MINDY2: variants seen among roughly 807,000 people sequenced by gnomAD.
MINDY2 encodes the protein MINDY lysine 48 deubiquitinase 2, also known as ubiquitin carboxyl-terminal hydrolase MINDY-2.
MINDY2 carries 52 observed loss-of-function variants against 68.2 expected under a neutral mutation model. The observed-to-expected ratio is 0.76, with a 90% confidence interval of 0.61 to 0.96. The LOEUF is 0.96. Among genes scored for constraint, MINDY2 ranks in the 40% least tolerant of loss-of-function variants. MINDY2 has a pLI of 0.00. For missense variants in MINDY2, 881 were observed against 773.4 expected (o/e 1.14, Z -1.65); for synonymous variants, 372 against 303.0 (o/e 1.23, Z -2.36).
At chr15:58,828,584 T>C (rs911983256) in intron 5 of MINDY2, among the ~76,000 whole-genome samples, 1 of 147,748 alleles carries the variant, frequency 6.8e-6, no homozygotes, top group Non-Finnish European at 1.5e-5. Flanking sequence ...TCTTTTTTTT[T>C]TTTTTTTTTT....
At chr15:58,854,050 C>T (rs1414616823) in intron 8 of MINDY2, among the ~76,000 whole-genome samples, 1 of 151,894 alleles carries the variant, frequency 6.6e-6, no homozygotes. Flanking sequence ...TGAGACCAGC[C>T]TGGCCAACAT....
chr15:58,809,159 C>A (rs2030039790), intron 3 of MINDY2, among the ~76,000 whole-genome samples: 1 of 152,132 alleles, frequency 6.6e-6, no homozygotes, highest in African/African-American at 2.4e-5. Flanking sequence ...CTGTGGTGAG[C>A]CATGATCATA....
intron 2 of MINDY2, among the ~76,000 whole-genome samples, chr15:58,795,811 C>G (rs1902246942): frequency 6.6e-6 from 1 of 151,718 alleles, no homozygotes; most frequent in African/African-American, 2.4e-5. Context: ...GCACCAAGAA[C>G]CAGTTTTTGC....
At chr15:58,822,079 G>T (rs910519442) in intron 5 of MINDY2, among the ~76,000 whole-genome samples, 15 of 152,026 alleles carry the variant, frequency 9.9e-5, no homozygotes, top group African/African-American at 3.4e-4. Context: ...ATGAAACCAC[G>T]TGTCTACTAA....
chr15:58,824,761 A>T (rs1321077473), intron 5 of MINDY2, among the ~76,000 whole-genome samples: 1 of 143,412 alleles, frequency 7.0e-6, no homozygotes, highest in South Asian at 2.2e-4. Context: ...CCTCTGCCCC[A>T]TGGATTCAAG....
chr15:58,839,251 C>T (rs1463608061), intron 6 of MINDY2, among the ~76,000 whole-genome samples: 3 of 152,036 alleles, frequency 2.0e-5, no homozygotes, highest in African/African-American at 7.2e-5. Context: ...TTGTTTACAT[C>T]TCTATTCTAA....
intron 6 of MINDY2, among the ~76,000 whole-genome samples, chr15:58,832,826 A>G (rs1595763254): frequency 6.6e-6 from 1 of 152,226 alleles, no homozygotes. Context: ...GTGTGCGGCC[A>G]GAACTAGGAT....
intron 5 of MINDY2, among the ~76,000 whole-genome samples, chr15:58,829,909 C>A (rs2031620568): frequency 6.6e-6 from 1 of 152,194 alleles, no homozygotes; most frequent in South Asian, 2.1e-4. Flanking sequence ...TTATCTGCTT[C>A]TGGCACTACC....
chr15:58,822,472 T>C (rs546898654), intron 5 of MINDY2, among the ~76,000 whole-genome samples: 1 of 152,296 alleles, frequency 6.6e-6, no homozygotes, highest in Admixed American at 6.5e-5. Flanking sequence ...GACTTTATCA[T>C]TGATCCTGAA....
chr15:58,793,569 GT>G (rs1402045543), intron 2 of MINDY2, among the ~76,000 whole-genome samples: 1 of 152,158 alleles, frequency 6.6e-6, no homozygotes, highest in African/African-American at 2.4e-5. Flanking sequence ...TGAGTAGCTT[GT>G]ATCGTATGTG....
At chr15:58,807,460 A>G (rs1249489391) in intron 3 of MINDY2, among the ~76,000 whole-genome samples, 1 of 143,776 alleles carries the variant, frequency 7.0e-6, no homozygotes, top group Non-Finnish European at 1.5e-5. Context: ...GGTTTACGCC[A>G]TTCTGCTGCC....
At chr15:58,827,164 TGATAA>T (rs1425749472) in intron 5 of MINDY2, among the ~76,000 whole-genome samples, 8 of 152,216 alleles carry the variant, frequency 5.3e-5, no homozygotes, top group Admixed American at 1.3e-4. Context: ...TGTTCAAATA[TGATAA>T]GATAATATCT....
At chr15:58,843,408 C>T (rs1189988328) in intron 6 of MINDY2, among the ~76,000 whole-genome samples, 1 of 152,128 alleles carries the variant, frequency 6.6e-6, no homozygotes, top group Non-Finnish European at 1.5e-5. Context: ...ACCTCAGCCT[C>T]CCAAAGTGCT....
At chr15:58,828,004 G>T (rs1399785522) in intron 5 of MINDY2, among the ~76,000 whole-genome samples, 1 of 151,912 alleles carries the variant, frequency 6.6e-6, no homozygotes, top group Admixed American at 6.6e-5. Flanking sequence ...AGGCCGAGGT[G>T]GGTGGATCAC....
Position 58,772,099 on chromosome 15 carries a change from A to T in MINDY2, c.704A>T (p.Glu235Val). Residue 235 changes from glutamate to valine, a missense_variant, in exon 1 of 9, where the codon GAA becomes GTA. Physicochemically the swap from Glu to Val is moderately radical, Grantham distance 121. Coordinates refer to ENST00000559228, the MANE Select transcript of MINDY2 (RefSeq NM_001040450.3). ...ETAQVLAASK[E>V]RFPGQSVYHI... is the part of the protein sequence containing the mutation. The stretch of plus-strand genomic sequence containing the variant: ...GCTCAGGTGCTGGCGGCCTCCAAGG[A>T]ACGCTTCCCGGGACAATCTGTGTAT... The T allele has an allele frequency of 6.2e-7, 1 of 1,613,858 alleles. No individual in the cohort carries two copies. The highest frequency in any genetic ancestry group is 8.5e-7 in the Non-Finnish European group (1 of 1,179,840).
chr15:58,807,353 C>CTTTTTTTTT, intron 3 of MINDY2, among the ~76,000 whole-genome samples: 1 of 109,022 alleles, frequency 9.2e-6, no homozygotes, highest in South Asian at 3.1e-4. Context: ...TTAAAATAGT[C>CTTTTTTTTT]TTTTTTTTTT....
chr15:58,780,800 T>C (rs1406723529), intron 1 of MINDY2, among the ~76,000 whole-genome samples: 2 of 152,204 alleles, frequency 1.3e-5, no homozygotes, highest in Non-Finnish European at 2.9e-5. Flanking sequence ...AATATATTCT[T>C]GGATTTTTTC....
intron 1 of MINDY2, among the ~76,000 whole-genome samples, chr15:58,782,334 T>C (rs1291493799): frequency 4.6e-5 from 7 of 152,218 alleles, no homozygotes. Context: ...TATTATTTAG[T>C]GCGTCCATTT....
At chr15:58,821,984 T>TC (rs1344663544) in intron 5 of MINDY2, among the ~76,000 whole-genome samples, 165 bp downstream of exon 5, 9 of 152,288 alleles carry the variant, frequency 5.9e-5, no homozygotes, top group African/African-American at 2.2e-4. Flanking sequence ...GCACAGTGGC[T>TC]CCCGCCTGTA....
Sources: gnomAD v4.1 joint callset for allele counts (sites outside exome capture counted in the v4.1 genomes callset) on GRCh38, gnomAD v4.1.1 for gene constraint, MANE v1.5 for transcripts, NCBI Gene and HGNC (gene_info 2026-07-23, HGNC 2026-07-21) for gene names.